Variants in AKR1C8 observed in about 807,000 individuals in gnomAD.
AKR1C8 encodes aldo-keto reductase family 1 member C8.
At chr10:5,129,958 A>G in the AKR1C8 span, among the ~76,000 whole-genome samples, 2 of 151,966 alleles carry the variant, frequency 1.3e-5, no homozygotes, top group African/African-American at 4.8e-5. Flanking sequence ...AGGAAAGGAC[A>G]TAACAAAAAT....
the AKR1C8 span, among the ~76,000 whole-genome samples, chr10:5,131,759 A>T: frequency 3.3e-5 from 5 of 152,086 alleles, no homozygotes; most frequent in Non-Finnish European, 7.4e-5. Context: ...TAAATGAGTA[A>T]AACTCCTATG....
chr10:5,172,192 A>C, the AKR1C8 span, among the ~76,000 whole-genome samples: 1 of 152,078 alleles, frequency 6.6e-6, no homozygotes, highest in African/African-American at 2.4e-5. Flanking sequence ...CAGGAGGCCT[A>C]ATTACTTTTA....
chr10:5,155,757 T>C, the AKR1C8 span: 2 of 472,552 alleles, frequency 4.2e-6, no homozygotes, highest in Non-Finnish European at 4.4e-6. Context: ...AAGTCAAAAA[T>C]CTGAAAGGAA....
the AKR1C8 span, among the ~76,000 whole-genome samples, chr10:5,122,582 G>A: frequency 6.6e-6 from 1 of 152,094 alleles, no homozygotes; most frequent in African/African-American, 2.4e-5. Flanking sequence ...CTTAAAACAC[G>A]GAACAATCCC....
At chr10:5,140,475 G>T in the AKR1C8 span, among the ~76,000 whole-genome samples, 27 of 152,170 alleles carry the variant, frequency 1.8e-4, no homozygotes, top group East Asian at 9.7e-4. Flanking sequence ...CCATAAAAAA[G>T]GATGAGTTCA....
the AKR1C8 span, among the ~76,000 whole-genome samples, chr10:5,138,673 T>G: frequency 3.3e-5 from 5 of 151,460 alleles, no homozygotes; most frequent in African/African-American, 1.2e-4. Context: ...AACTGATAAA[T>G]GTCCATTAAA....
chr10:5,152,327 A>G, the AKR1C8 span, among the ~76,000 whole-genome samples: 1 of 152,274 alleles, frequency 6.6e-6, no homozygotes, highest in East Asian at 1.9e-4. Flanking sequence ...TCATACATAG[A>G]GCTCTAGCCC....
chr10:5,134,202 C>G, the AKR1C8 span, among the ~76,000 whole-genome samples: 1 of 152,170 alleles, frequency 6.6e-6, no homozygotes, highest in Non-Finnish European at 1.5e-5. Flanking sequence ...TGTGGAGGCA[C>G]TCAAGGTTTA....
chr10:5,145,242 C>G, the AKR1C8 span, among the ~76,000 whole-genome samples: 16 of 152,076 alleles, frequency 1.1e-4, no homozygotes, highest in Non-Finnish European at 2.1e-4. Context: ...CCATAAAAAC[C>G]CTAGAAGAAA....
At chr10:5,172,314 A>G in the AKR1C8 span, among the ~76,000 whole-genome samples, 2 of 152,064 alleles carry the variant, frequency 1.3e-5, no homozygotes, top group Non-Finnish European at 2.9e-5. Flanking sequence ...CTTTCTTTAA[A>G]CAACCAGTTA....
chr10:5,116,637 G>T, the AKR1C8 span, among the ~76,000 whole-genome samples: 3 of 152,212 alleles, frequency 2.0e-5, no homozygotes, highest in Admixed American at 1.3e-4. Context: ...TACAGGCCAT[G>T]AATCACTATA....
At chr10:5,166,323 T>A in the AKR1C8 span, among the ~76,000 whole-genome samples, 330 of 152,294 alleles carry the variant, frequency 2.2e-3, 1 homozygote, top group Non-Finnish European at 4.2e-3. Context: ...AGAGCCTGCA[T>A]TGCCAAGTCA....
the AKR1C8 span, among the ~76,000 whole-genome samples, chr10:5,145,260 C>T: frequency 2.0e-5 from 3 of 152,068 alleles, 1 homozygote; most frequent in Admixed American, 2.0e-4. Flanking sequence ...AAAACCTAGG[C>T]AATACCATTC....
the AKR1C8 span, chr10:5,135,223 C>A: frequency 4.5e-6 from 1 of 222,442 alleles, no homozygotes. Context: ...TATTTGGGAT[C>A]CATTGAATGT....
chr10:5,121,136 T>G, the AKR1C8 span, among the ~76,000 whole-genome samples: 2 of 152,150 alleles, frequency 1.3e-5, no homozygotes, highest in Non-Finnish European at 2.9e-5. Context: ...CATAAAAAAT[T>G]TCATTTTTTC....
At chr10:5,168,250 T>G in the AKR1C8 span, among the ~76,000 whole-genome samples, 2 of 152,014 alleles carry the variant, frequency 1.3e-5, no homozygotes, top group African/African-American at 4.8e-5. Context: ...CCCTACCCTC[T>G]TAACAGTTGT....
the AKR1C8 span, among the ~76,000 whole-genome samples, chr10:5,140,327 A>G: frequency 1.3e-5 from 2 of 149,874 alleles, no homozygotes; most frequent in African/African-American, 2.5e-5. Flanking sequence ...AAATCATGCT[A>G]CTATAAAGAC....
the AKR1C8 span, among the ~76,000 whole-genome samples, chr10:5,173,318 T>A: frequency 6.6e-6 from 1 of 152,016 alleles, no homozygotes; most frequent in Admixed American, 6.6e-5. Context: ...GAAAGGGACA[T>A]GAATGCAAGC....
the AKR1C8 span, among the ~76,000 whole-genome samples, chr10:5,121,005 G>A: frequency 2.6e-5 from 4 of 151,938 alleles, no homozygotes; most frequent in East Asian, 5.8e-4. Context: ...ATTATAAATA[G>A]AATTTTAAGT....
Sources: allele counts gnomAD v4.1 joint callset (sites outside exome capture counted in the v4.1 genomes callset), GRCh38; gene constraint gnomAD v4.1.1; transcripts MANE v1.5; gene names NCBI Gene and HGNC (gene_info 2026-07-23, HGNC 2026-07-21).